GRHL2: variants seen among roughly 807,000 people sequenced by gnomAD.
GRHL2 encodes grainyhead like transcription factor 2.
Under a neutral mutation model 83.8 loss-of-function variants are expected in GRHL2, and 21 were observed. The observed-to-expected ratio is 0.25, with a 90% CI of 0.18 to 0.36. GRHL2 has a LOEUF of 0.36. Ranked by LOEUF, GRHL2 falls within the 10% of genes least tolerant of loss-of-function variation. The pLI is 1.00. For missense variants in GRHL2, 623 were observed against 781.8 expected, an observed-to-expected ratio of 0.80 and a Z score of 2.42; for synonymous variants, 280 against 278.9, an observed-to-expected ratio of 1.00 and a Z score of -0.04.
chr8:101,634,730 T>C lies in GRHL2; in HGVS notation c.1486-2167T>C, dbSNP rs150812504. On this transcript the variant is annotated intron_variant, in intron 11 of 15. Coordinates refer to ENST00000646743, the MANE Select transcript of GRHL2 (RefSeq NM_024915.4). ...TGCTGAAGCTATGGGGCAGCAGTCC[T>C]TGTTCACTCAAGGACATGACTTGGG... 9.6e-4 allele frequency among the ~76,000 whole-genome samples: 146 copies of C among 152,310 alleles called. 1 individual carries two copies. The highest frequency in any genetic ancestry group is 3.4e-3 in the African/African-American group (140 of 41,568).
intron 1 of GRHL2, among the ~76,000 whole-genome samples, chr8:101,531,222 CAA>C (rs34027383): frequency 0.41 from 54,562 of 131,580 alleles, 11,622 homozygotes; most frequent in Non-Finnish European, 0.5. Context: ...GACCTTATCT[CAA>C]AAAAAAAAAA....
chr8:101,664,468 T>C lies in GRHL2; in HGVS notation c.1713T>C (p.Tyr571=). The C allele has an allele frequency of 1.9e-6, 3 of 1,613,742 alleles. No individual in the cohort carries two copies. The highest frequency in any genetic ancestry group is 2.5e-6 in the Non-Finnish European group (3 of 1,179,662). ...KGLMEAISEK[Y]GLPVEKIAKL... is the part of the protein sequence containing the mutation. ...TGGTATTACAGATATCTGAGAAATA[T>C]GGGCTGCCCGTGGAGAAGATAGCAA... is the stretch of plus-strand genomic sequence containing the variant. The change falls in exon 15 of 16, where the codon TAT becomes TAC. Residue 571 remains tyrosine (Y), a synonymous_variant. Transcript: ENST00000646743.
At chr8:101,590,662 G>A (rs1033000426) in intron 7 of GRHL2, among the ~76,000 whole-genome samples, 2 of 152,206 alleles carry the variant, frequency 1.3e-5, no homozygotes, top group African/African-American at 4.8e-5. Flanking sequence ...TCAGGTCTGT[G>A]TGTCTCCACC....
intron 12 of GRHL2, among the ~76,000 whole-genome samples, chr8:101,642,705 A>C (rs1402895512): frequency 1.3e-5 from 2 of 152,194 alleles, no homozygotes; most frequent in African/African-American, 4.8e-5. Flanking sequence ...CTAGGAAATA[A>C]ATTCAGAGGA....
At chr8:101,677,830 A>T in the GRHL2 span, among the ~76,000 whole-genome samples, 1 of 152,068 alleles carries the variant, frequency 6.6e-6, no homozygotes, top group African/African-American at 2.4e-5. Flanking sequence ...CCAGGACCTA[A>T]GTCCTGGACA....
intron 8 of GRHL2, among the ~76,000 whole-genome samples, chr8:101,610,036 A>G (rs898199358): frequency 6.0e-5 from 9 of 150,816 alleles, no homozygotes; most frequent in African/African-American, 2.0e-4. Flanking sequence ...AAGCAGCCCA[A>G]TCTCTCATTA....
chr8:101,523,934 A>T (rs1810749231), intron 1 of GRHL2, among the ~76,000 whole-genome samples: 1 of 152,196 alleles, frequency 6.6e-6, no homozygotes, highest in Non-Finnish European at 1.5e-5. Context: ...TATTGGTTTA[A>T]CGCAGTTGCT....
chr8:101,542,257 G>A (rs1380063841), intron 1 of GRHL2, among the ~76,000 whole-genome samples: 1 of 152,212 alleles, frequency 6.6e-6, no homozygotes, highest in African/African-American at 2.4e-5. Flanking sequence ...CTCTCTCTTA[G>A]GGTTCCATTC....
At position 101,516,399 on chromosome 8, in the gene GRHL2, T is replaced by C. The variant is rs920272519; in HGVS notation, c.20+23610T>C. On this transcript the variant is annotated intron_variant, in intron 1 of 15. Transcript: ENST00000646743. Reference sequence around the variant, plus strand: ...CCAGCAACTGTACTGGATTTCTTTTTACCTCTTTTCCTTTTTTTTTTTTTT... The same window carrying C: ...CCAGCAACTGTACTGGATTTCTTTTCACCTCTTTTCCTTTTTTTTTTTTTT... Among the ~76,000 whole-genome samples, 3 of 150,148 alleles carry C rather than the reference T, an allele frequency of 2.0e-5. No individual in the cohort carries two copies. The East Asian group carries it at 5.9e-4, about 29-fold the overall frequency.
chr8:101,648,131 G>T (rs1346823050), intron 13 of GRHL2, among the ~76,000 whole-genome samples: 1 of 152,120 alleles, frequency 6.6e-6, no homozygotes, highest in Non-Finnish European at 1.5e-5. Context: ...GGATGAGGGT[G>T]GCCTCTGAAT....
At chr8:101,543,639 A>G (rs2130123724) in intron 2 of GRHL2, 2 of 611,816 alleles carry the variant, frequency 3.3e-6, no homozygotes, top group Non-Finnish European at 5.9e-6. Context: ...CAGAGGAAGT[A>G]CTCATTTTGG....
At chr8:101,628,930 G>T (rs1375487474) in intron 9 of GRHL2, among the ~76,000 whole-genome samples, 1 of 152,138 alleles carries the variant, frequency 6.6e-6, no homozygotes, top group Admixed American at 6.6e-5. Flanking sequence ...TTATGGATGT[G>T]CAAAGAAAGT....
intron 5 of GRHL2, among the ~76,000 whole-genome samples, chr8:101,573,264 G>A (rs953369702): frequency 7.3e-5 from 11 of 151,460 alleles, no homozygotes; most frequent in African/African-American, 2.7e-4. Context: ...AAAAGGTTAG[G>A]TATATACATG....
chr8:101,547,729 T>G (rs1427936229), intron 2 of GRHL2, among the ~76,000 whole-genome samples: 1 of 152,230 alleles, frequency 6.6e-6, no homozygotes, highest in South Asian at 2.1e-4. Flanking sequence ...TTTGAATCCA[T>G]TTAAAAATTT....
chr8:101,619,365 T>C (rs890929028), intron 8 of GRHL2, among the ~76,000 whole-genome samples, 174 bp from the exon 9 acceptor site: 3 of 152,232 alleles, frequency 2.0e-5, no homozygotes, highest in African/African-American at 7.2e-5. Flanking sequence ...TAATGTATAA[T>C]TATAAATTAT....
chr8:101,518,271 G>A (rs143547652), intron 1 of GRHL2, among the ~76,000 whole-genome samples: 21 of 152,140 alleles, frequency 1.4e-4, no homozygotes, highest in Admixed American at 2.0e-4. Context: ...TTAGCCGGGC[G>A]TGATGGTGCA....
intron 6 of GRHL2, 36 bp downstream of exon 6, chr8:101,573,860 A>G (rs776829821): frequency 1.2e-6 from 2 of 1,612,116 alleles, no homozygotes; most frequent in South Asian, 2.2e-5. Flanking sequence ...GTACAAAGGA[A>G]TCCGATGAAC....
downstream of GRHL2, among the ~76,000 whole-genome samples, chr8:101,671,282 G>A (rs1327014501): frequency 6.6e-6 from 1 of 152,226 alleles, no homozygotes; most frequent in African/African-American, 2.4e-5. Flanking sequence ...AAAGAAAGGG[G>A]TGACAGACGG....
At chr8:101,618,709 GC>G (rs1812903556) in intron 8 of GRHL2, among the ~76,000 whole-genome samples, 1 of 151,846 alleles carries the variant, frequency 6.6e-6, no homozygotes, top group Non-Finnish European at 1.5e-5. Flanking sequence ...TTTCCTCCAG[GC>G]ACTAGGTACC....
Sources: allele counts gnomAD v4.1 joint callset (sites outside exome capture counted in the v4.1 genomes callset), GRCh38; gene constraint gnomAD v4.1.1; transcripts MANE v1.5; gene names NCBI Gene and HGNC (gene_info 2026-07-23, HGNC 2026-07-21).